The following IMMT variants were observed in gnomAD, a reference collection of about 807,000 sequenced individuals.
IMMT encodes the protein inner membrane mitochondrial protein.
In IMMT, 40 loss-of-function variants were observed where a neutral mutation model predicts 92.7. That is an observed-to-expected ratio of 0.43 (90% CI 0.34 to 0.56). The LOEUF (loss-of-function observed/expected upper bound fraction) is 0.56. IMMT is among the 20% of genes least tolerant of loss of function. IMMT has a pLI of 0.03. For missense variants in IMMT, 831 were observed against 912.1 expected (o/e 0.91, Z 1.14); for synonymous variants, 322 against 336.1 (o/e 0.96, Z 0.46).
rs1439692943 is a variant in IMMT at position 86,143,995 on chromosome 2, C to A, written c.*273G>T. On this transcript the variant is annotated 3_prime_UTR_variant, in exon 15 of 15. Transcript: ENST00000410111. ...GGGCAAAATCAACAGTAGTAGAGAT[C>A]ACAAACATTATTTTGATTGGCCTCA... 2.1e-5 allele frequency: 11 copies of A among 516,872 alleles called. No homozygotes were observed. The highest frequency in any genetic ancestry group is 2.1e-4 in the African/African-American group (11 of 52,122). 32.0% of individuals were successfully genotyped at this position (516,872 alleles called of 1,614,324 possible). A position where few individuals can be genotyped will look rare whatever the true frequency, so the allele number is the denominator to read the frequency against.
At chr2:86,187,125 TACA>T (rs1338625066) in intron 1 of IMMT, among the ~76,000 whole-genome samples, 1 of 152,204 alleles carries the variant, frequency 6.6e-6, no homozygotes, top group African/African-American at 2.4e-5. Context: ...CACGATGTTG[TACA>T]ACAACCATCA....
intron 1 of IMMT, among the ~76,000 whole-genome samples, chr2:86,183,353 G>C (rs1292222511): frequency 6.6e-6 from 1 of 152,064 alleles, no homozygotes; most frequent in East Asian, 1.9e-4. Flanking sequence ...ATGTTGACCA[G>C]GCTGGTCTCG....
chr2:86,162,122 T>C (rs1371606901), intron 7 of IMMT, 43 bp from the exon 8 acceptor site: 3 of 1,247,066 alleles, frequency 2.4e-6, no homozygotes, highest in Non-Finnish European at 3.4e-6. Context: ...ACTGCTATTA[T>C]TGTCATATGA....
intron 10 of IMMT, chr2:86,158,387 C>G (rs1676011475): frequency 2.5e-6 from 1 of 402,214 alleles, no homozygotes; most frequent in African/African-American, 2.0e-5. Context: ...CTAGCTGGAA[C>G]TCATGTTCAC....
At chr2:86,186,269 A>G (rs1034895333) in intron 1 of IMMT, among the ~76,000 whole-genome samples, 1 of 152,108 alleles carries the variant, frequency 6.6e-6, no homozygotes, top group Non-Finnish European at 1.5e-5. Flanking sequence ...GAAGGTTGTG[A>G]GTGGGAGGGA....
chr2:86,153,250 C>A (rs1675604780), intron 11 of IMMT, among the ~76,000 whole-genome samples: 1 of 149,686 alleles, frequency 6.7e-6, no homozygotes, highest in South Asian at 2.1e-4. Flanking sequence ...CTTTAGTTTT[C>A]TTCTTACTTT....
intron 14 of IMMT, 66 bp from the exon 15 acceptor site, chr2:86,144,947 T>A: frequency 6.6e-7 from 1 of 1,505,130 alleles, no homozygotes; most frequent in East Asian, 2.3e-5. Context: ...TCCACAGAAC[T>A]GATGCACATT....
In IMMT at chr2:86,144,316, T is replaced by C. The variant is rs1187328536; in HGVS notation, c.2229A>G (p.Ala743=). 7 of 1,613,978 alleles carry C rather than the reference T, an allele frequency of 4.3e-6. No homozygotes were observed. The Admixed American group carries it at 6.7e-5, about 15-fold the overall frequency. Residue 743 remains alanine, a synonymous_variant, in exon 15 of 15, where the codon GCA becomes GCG. Coordinates refer to ENST00000410111, the MANE Select transcript of IMMT (RefSeq NM_006839.3). ...TTCCTATTCCTACGGCGCTGGCATATGCTGTCAGGATTTCCACTATCTGTT... is the reference window on the plus strand; with the variant it reads ...TTCCTATTCCTACGGCGCTGGCATACGCTGTCAGGATTTCCACTATCTGTT... ...ETKQIVEILT[A]YASAVGIGTT... is the part of the protein sequence containing the mutation.
intron 12 of IMMT, among the ~76,000 whole-genome samples, chr2:86,149,872 T>A (rs1165093412): frequency 1.5e-5 from 2 of 130,086 alleles, no homozygotes; most frequent in East Asian, 2.2e-4. Flanking sequence ...AAAGACAGAC[T>A]CTGTCTCAAA....
rs1227291369 is a variant in IMMT, at chr2:86,193,402, G to A, written c.45+1936C>T. 9.2e-5 allele frequency among the ~76,000 whole-genome samples: 7 copies of A among 76,062 alleles called. No individual in the cohort carries two copies. The South Asian group carries it at 4.0e-3, about 44-fold the overall frequency. 49.9% of individuals were successfully genotyped at this position (76,062 alleles called of 152,430 possible). On this transcript the variant is annotated intron_variant, in intron 1 of 14. Transcript: ENST00000410111. ...AGCCTGGGTGACAAAGTGAGACTCC[G>A]TATCCAAAAAAAAAAAAAGAAAGAT...
Position 86,151,450 on chromosome 2 carries a change from G to A in IMMT, c.1248C>T (p.Asn416=), listed in dbSNP as rs1221998414. Residue 416 remains asparagine, a synonymous_variant, in exon 12 of 15, where the codon AAC becomes AAT. Transcript: ENST00000410111. ...AHAHRRIDQL[N]RELAEQKATE... ...TGGCCTTCTGTTCTGCCAGCTCTCTGTTCAGCTGATCAATACGACGATGTG... is the reference window on the plus strand; with the variant it reads ...TGGCCTTCTGTTCTGCCAGCTCTCTATTCAGCTGATCAATACGACGATGTG... 3 of 1,613,864 alleles carry A rather than the reference G, an allele frequency of 1.9e-6. No individual in the cohort carries two copies. The highest frequency in any genetic ancestry group is 2.5e-6 in the Non-Finnish European group (3 of 1,179,880).
At chr2:86,188,678 A>G (rs1558842857) in intron 1 of IMMT, among the ~76,000 whole-genome samples, 1 of 152,182 alleles carries the variant, frequency 6.6e-6, no homozygotes, top group Non-Finnish European at 1.5e-5. Context: ...TGCCTGCCTC[A>G]GCTTCCCAAA....
chr2:86,171,304 T>A lies in IMMT; in HGVS notation c.463A>T (p.Thr155Ser). 1.9e-5 allele frequency: 30 copies of A among 1,610,870 alleles called. No homozygotes were observed. The highest frequency in any genetic ancestry group is 2.5e-5 in the Non-Finnish European group (30 of 1,178,268). ...AAQIISAAGD[T>S]LSVPAPAVQP... is the part of the protein sequence containing the mutation. The stretch of plus-strand genomic sequence containing the variant: ...ACTGCAGGGGCTGGGACCGACAGGG[T>A]ATCACCTGCTGCAGAAATAATTTGA... Residue 155 changes from threonine to serine, a missense_variant, in exon 5 of 15, where the codon ACC becomes TCC. Coordinates refer to ENST00000410111, the MANE Select transcript of IMMT (RefSeq NM_006839.3).
chr2:86,193,587 T>C (rs747244223), intron 1 of IMMT, among the ~76,000 whole-genome samples: 7 of 151,768 alleles, frequency 4.6e-5, no homozygotes, highest in South Asian at 2.1e-4. Flanking sequence ...CAGGAAGAGA[T>C]GAGAAGGTGT....
At chr2:86,185,104 C>A (rs528994110) in intron 1 of IMMT, among the ~76,000 whole-genome samples, 8 of 151,720 alleles carry the variant, frequency 5.3e-5, no homozygotes, top group Non-Finnish European at 1.2e-4. Flanking sequence ...AGCATGAACC[C>A]GGGAGGCAGA....
chr2:86,158,467 TG>T (rs1194780955), intron 10 of IMMT, 124 bp downstream of exon 10: 1 of 702,676 alleles, frequency 1.4e-6, no homozygotes, highest in African/African-American at 1.8e-5. Context: ...AATAAAACGC[TG>T]TAACAAAAAG....
At chr2:86,192,046 AAC>A in intron 1 of IMMT, among the ~76,000 whole-genome samples, 2 of 152,334 alleles carry the variant, frequency 1.3e-5, no homozygotes, top group South Asian at 4.1e-4. Context: ...GAGCTGGAAC[AAC>A]ATTGCGAGAT....
At chr2:86,191,992 G>A (rs1161332502) in intron 1 of IMMT, among the ~76,000 whole-genome samples, 1 of 150,124 alleles carries the variant, frequency 6.7e-6, no homozygotes, top group Non-Finnish European at 1.5e-5. Flanking sequence ...AGCACTTTGG[G>A]GAGGAGAAGG....
rs1237159501 is a variant in IMMT, at chr2:86,144,054, A to T, written c.*214T>A. The T allele has an allele frequency of 3.3e-6, 2 of 608,294 alleles. No homozygotes were observed. Among genetic ancestry groups the T allele is most frequent in the Non-Finnish European group, 5.7e-6 (2 of 349,396 alleles). 37.7% of individuals were successfully genotyped at this position (608,294 alleles called of 1,614,324 possible). On this transcript the variant is annotated 3_prime_UTR_variant, in exon 15 of 15. Coordinates refer to ENST00000410111, the MANE Select transcript of IMMT (RefSeq NM_006839.3). Reference sequence around the variant, plus strand: ...ATCAGTAAAACCTGAAAAAACAGAAAATGTTACACAAGTTGCAAAGAAAGC... The same window carrying T: ...ATCAGTAAAACCTGAAAAAACAGAATATGTTACACAAGTTGCAAAGAAAGC...
Sources: allele counts gnomAD v4.1 joint callset (sites outside exome capture counted in the v4.1 genomes callset), GRCh38; gene constraint gnomAD v4.1.1; transcripts MANE v1.5; gene names NCBI Gene and HGNC (gene_info 2026-07-23, HGNC 2026-07-21).